CYP4A11: variants seen among roughly 807,000 people sequenced by gnomAD.
The protein encoded by CYP4A11 is cytochrome P450 family 4 subfamily A member 11.
CYP4A11 carries 52 observed loss-of-function variants against 57.7 expected under a neutral mutation model. The observed-to-expected ratio is 0.90, with a 90% CI of 0.72 to 1.14. The LOEUF (loss-of-function observed/expected upper bound fraction) is 1.14, where lower values mean the gene tolerates loss of function less well. Among genes scored for constraint, CYP4A11 ranks in the 50% most tolerant of loss-of-function variants. The pLI is 0.00. For missense variants in CYP4A11, 641 were observed against 642.1 expected (o/e 1.00, Z 0.02); for synonymous variants, 228 against 247.1 (o/e 0.92, Z 0.72).
intron 1 of CYP4A11, among the ~76,000 whole-genome samples, chr1:46,940,347 C>A (rs1339621991): frequency 2.6e-5 from 4 of 152,214 alleles, no homozygotes; most frequent in Non-Finnish European, 5.9e-5. Context: ...GGGCCACATT[C>A]AAAGCCATCC....
chr1:46,933,859 G>C lies in CYP4A11; in HGVS notation c.1222+87C>G. 5.1e-6 allele frequency: 8 copies of C among 1,560,552 alleles called. No individual in the cohort carries two copies. In the South Asian group the frequency reaches 8.4e-5, roughly 16 times the overall value. On this transcript the variant is annotated intron_variant, in intron 9 of 11. Transcript: ENST00000310638. ...TAGAACAAAAGGGAGACCCAGAGAT[G>C]TGCAGAATTCTGATGCACACATGGA...
intron 1 of CYP4A11, among the ~76,000 whole-genome samples, chr1:46,940,074 C>T (rs1170827524): frequency 2.2e-5 from 3 of 135,638 alleles, no homozygotes; most frequent in Admixed American, 1.5e-4. Context: ...TCTGTTCCTA[C>T]CCGCCCCCCT....
intron 11 of CYP4A11, chr1:46,932,063 A>T (rs1395299936): frequency 2.0e-6 from 2 of 978,954 alleles, no homozygotes; most frequent in Non-Finnish European, 2.4e-6. Flanking sequence ...GGATTACAGG[A>T]CTATGGTATA....
intron 1 of CYP4A11, among the ~76,000 whole-genome samples, chr1:46,938,908 C>G (rs550445411): frequency 6.6e-6 from 1 of 152,336 alleles, no homozygotes; most frequent in South Asian, 2.1e-4. Context: ...CACCATCACC[C>G]GTTTGTTTCA....
chr1:46,933,199 T>G, intron 9 of CYP4A11, 152 bp from the exon 10 acceptor site: 5 of 1,118,606 alleles, frequency 4.5e-6, no homozygotes, highest in Non-Finnish European at 6.5e-6. Context: ...GCAGGTGGGT[T>G]AGGCTTAACA....
At chr1:46,933,762 T>C (rs1228790023) in intron 9 of CYP4A11, among the ~76,000 whole-genome samples, 184 bp downstream of exon 9, 4 of 152,204 alleles carry the variant, frequency 2.6e-5, no homozygotes, top group Non-Finnish European at 4.4e-5. Flanking sequence ...CTTGAACTTT[T>C]GGTGGGTTCA....
chr1:46,937,165 T>A lies in CYP4A11; in HGVS notation c.382+137A>T, dbSNP rs557171831. ...GCATTAGGAAGGGGTGAGGGTCTTG[T>A]TAGAAGAAGGAAGTGAGGCTTGATT... On this transcript the variant is annotated intron_variant, in intron 3 of 11. Transcript: ENST00000310638. The A allele has an allele frequency of 2.7e-5, 29 of 1,091,408 alleles. No individual in the cohort carries two copies. In the South Asian group the frequency reaches 5.0e-4, roughly 19 times the overall value. The allele number at this position is 1,091,408 out of a possible 1,614,324, so 67.6% of individuals were successfully genotyped here. A position where few individuals can be genotyped will look rare whatever the true frequency, so the allele number is the denominator to read the frequency against.
At chr1:46,933,083 C>A (rs2148454514) in intron 9 of CYP4A11, 36 bp from the exon 10 acceptor site, 1 of 1,612,978 alleles carries the variant, frequency 6.2e-7, no homozygotes, top group Non-Finnish European at 8.5e-7. Context: ...GAAGACCAAT[C>A]ATTTGCATGG....
In CYP4A11 at chr1:46,938,453, G is replaced by C. The variant is rs77801783; in HGVS notation, c.196-316C>G. ...TATAACTCATATTAGTTGATAAGTA[G>C]ATTTGTAAAATCATTTAGTATATCT... On this transcript the variant is annotated intron_variant, in intron 1 of 11. Transcript: ENST00000310638. Among the ~76,000 whole-genome samples the C allele has an allele frequency of 4.7e-3, 708 of 152,218 alleles. 4 individuals carry two copies. Among genetic ancestry groups the C allele is most frequent in the African/African-American group, 0.016 (676 of 41,522 alleles).
chr1:46,940,959 C>T (rs1681710969), intron 1 of CYP4A11: 12 of 985,248 alleles, frequency 1.2e-5, no homozygotes, highest in Non-Finnish European at 1.4e-5. Flanking sequence ...AGTCTGGAGA[C>T]AATCAGGCAT....
rs1333769898 is a variant in CYP4A11, at chr1:46,930,201, C to T, written c.1474G>A (p.Ala492Thr). Reference protein sequence around the residue: ...PDPTRIPIPIARLVLKSKNGI... With the variant: ...PDPTRIPIPITRLVLKSKNGI... Reference sequence around the variant, plus strand: ...TTTTTGGATTTCAACACAAGTCGTGCAATGGGGATGGGGATCCTGGTGGGA... The same window carrying T: ...TTTTTGGATTTCAACACAAGTCGTGTAATGGGGATGGGGATCCTGGTGGGA... Residue 492 changes from alanine to threonine, a missense_variant, in exon 12 of 12, where the codon GCA becomes ACA. Ala to Thr is a moderately conservative substitution (Grantham distance 58). Transcript: ENST00000310638. 3 of 1,613,964 alleles carry T rather than the reference C, an allele frequency of 1.9e-6. No homozygotes were observed. The African/African-American group carries it at 4.0e-5, about 22-fold the overall frequency.
intron 10 of CYP4A11, 53 bp from the exon 11 acceptor site, chr1:46,932,890 C>T: frequency 1.2e-6 from 2 of 1,614,126 alleles, no homozygotes; most frequent in Admixed American, 3.3e-5. Flanking sequence ...ACCTACTTGC[C>T]ACCCATGGGG....
chr1:46,941,289 G>A lies in CYP4A11; in HGVS notation c.145C>T (p.Gln49Ter), dbSNP rs1206414104. 1.9e-6 allele frequency: 3 copies of A among 1,614,140 alleles called. No homozygotes were observed. In the South Asian group the frequency reaches 3.3e-5, roughly 18 times the overall value. Residue 49 changes from glutamine to a stop codon, truncating the protein, a stop_gained, in exon 1 of 12, where the codon CAG becomes TAG. Transcript: ENST00000310638. LOFTEE classifies it high-confidence loss of function. ...LHRQWLLKAL[Q>*]QFPCPPSHWL... is the part of the protein sequence containing the mutation. The stretch of plus-strand genomic sequence containing the variant: ...TGGGAGGGAGGGCACGGGAACTGCT[G>A]GAGGGCTTTGAGCAGCCACTGCCTG...
At position 46,936,699 on chromosome 1, in the gene CYP4A11, C is replaced by G. The variant is rs1557556740; in HGVS notation, c.475G>C (p.Val159Leu). 1 of 1,613,304 alleles carries G rather than the reference C, an allele frequency of 6.2e-7. No homozygotes were observed. Residue 159 changes from valine to leucine, a missense_variant, in exon 4 of 12, where the codon GTG becomes CTG. Coordinates refer to ENST00000310638, the MANE Select transcript of CYP4A11 (RefSeq NM_000778.4). ...AFHYDILKPY[V>L]GLMADSVRVM... Reference sequence around the variant, plus strand: ...CGTACAGAGTCTGCCATGAGCCCCACATAGGGCTTCAGGATGTCATAGTGG... The same window carrying G: ...CGTACAGAGTCTGCCATGAGCCCCAGATAGGGCTTCAGGATGTCATAGTGG...
In CYP4A11 at chr1:46,941,310, G is replaced by A. The variant is rs781095828; in HGVS notation, c.124C>T (p.Gln42Ter). 1.2e-6 allele frequency: 2 copies of A among 1,614,200 alleles called. No homozygotes were observed. Among genetic ancestry groups the A allele is most frequent in the South Asian group, 1.1e-5 (1 of 91,088 alleles). Residue 42 changes from glutamine (Q) to a stop codon, truncating the protein, a stop_gained, in exon 1 of 12, where the codon CAG (glutamine) becomes TAG (stop). Transcript: ENST00000310638. LOFTEE classifies it high-confidence loss of function. ...TGCTGGAGGGCTTTGAGCAGCCACT[G>A]CCTGTGCAGGTAGAGCTGAACTGCC... The part of the protein sequence containing the change: ...IKAVQLYLHR[Q>*]WLLKALQQFP...
chr1:46,932,938 G>C, intron 10 of CYP4A11, 45 bp downstream of exon 10: 1 of 1,614,116 alleles, frequency 6.2e-7, no homozygotes, highest in Non-Finnish European at 8.5e-7. Context: ...AGAAGGTATT[G>C]GTCTTGAGGG....
intron 9 of CYP4A11, 59 bp from the exon 10 acceptor site, chr1:46,933,106 C>T: frequency 6.2e-7 from 1 of 1,601,006 alleles, no homozygotes; most frequent in South Asian, 1.1e-5. Context: ...TGGCCTGGTA[C>T]TTCAGCCAGC....
At position 46,936,798 on chromosome 1, in the gene CYP4A11, G is replaced by T. The variant is rs774744305; in HGVS notation, c.383-7C>A. On this transcript the variant is annotated splice_region_variant and splice_polypyrimidine_tract_variant and intron_variant, in intron 3 of 11. Transcript: ENST00000310638. ...AACAGGAGCAAGCCGTACCCTAAGA[G>T]AGACATGAATGTGTGTTTGTGTGTG... is the stretch of plus-strand genomic sequence containing the variant. 4 of 1,588,352 alleles carry T rather than the reference G, an allele frequency of 2.5e-6. No individual in the cohort carries two copies. In the East Asian group the frequency reaches 6.8e-5, roughly 27 times the overall value.
chr1:46,932,398 G>A, intron 11 of CYP4A11: 2 of 1,131,762 alleles, frequency 1.8e-6, no homozygotes, highest in South Asian at 2.4e-5. Context: ...TACTATTCCT[G>A]ACAACTGAGA....
Sources: gnomAD v4.1 joint callset for allele counts (sites outside exome capture counted in the v4.1 genomes callset) on GRCh38, gnomAD v4.1.1 for gene constraint, MANE v1.5 for transcripts, NCBI Gene and HGNC (gene_info 2026-07-23, HGNC 2026-07-21) for gene names.